Variants in CFAP99 observed in about 807,000 individuals in gnomAD.
CFAP99 encodes the protein cilia and flagella associated protein 99.
Under a neutral mutation model 82.7 loss-of-function variants are expected in CFAP99, and 84 were observed. That is an observed-to-expected ratio of 1.02 (90% CI 0.85 to 1.22). The LOEUF (loss-of-function observed/expected upper bound fraction) is 1.22, where lower values mean the gene tolerates loss of function less well. CFAP99 is among the 50% of genes most tolerant of loss of function. The probability of loss-of-function intolerance (pLI) is 0.00; values close to 1 mark genes in which losing one functional copy is unlikely to be tolerated. For missense variants in CFAP99, 1,059 were observed against 983.5 expected (o/e 1.08, Z -1.03); for synonymous variants, 456 against 429.5 (o/e 1.06, Z -0.76).
chr4:2,458,220 G>A (rs1014371371), intron 11 of CFAP99, among the ~76,000 whole-genome samples: 9 of 152,088 alleles, frequency 5.9e-5, no homozygotes, highest in Admixed American at 2.0e-4. Context: ...GTATTTTTTG[G>A]TGCCCACTTT....
chr4:2,444,367 C>T (rs1734114911), intron 5 of CFAP99, among the ~76,000 whole-genome samples: 1 of 152,212 alleles, frequency 6.6e-6, no homozygotes. Flanking sequence ...TCTCCCCAAC[C>T]TGCCTCAAGT....
exon 9 of CFAP99, chr4:2,450,965 C>A: frequency 6.5e-7 from 1 of 1,535,994 alleles, no homozygotes; most frequent in Non-Finnish European, 8.7e-7. Flanking sequence ...GCAGCAGCTG[C>A]GGCTTCAGTT....
Position 2,462,459 on chromosome 4 carries a change from G to C in CFAP99, c.1678G>C (p.Ala560Pro). The C allele has an allele frequency of 1.4e-6, 2 of 1,463,482 alleles. No homozygotes were observed. The highest frequency in any genetic ancestry group is 1.8e-6 in the Non-Finnish European group (2 of 1,117,950). The allele number at this position is 1,463,482 out of a possible 1,614,324, so 90.7% of individuals were successfully genotyped here. ...GCCCGCCAGGTGGGAGGAAAAGAAGGCCCTTGCGGCGGCCCCGGCGGCGCC... is the reference window on the plus strand; with the variant it reads ...GCCCGCCAGGTGGGAGGAAAAGAAGCCCCTTGCGGCGGCCCCGGCGGCGCC... The change falls in exon 15 of 15, where the codon GCC (alanine) becomes CCC (proline). Residue 560 changes from alanine to proline, a missense_variant. Physicochemically the swap from Ala to Pro is conservative, Grantham distance 27. Transcript: ENST00000635017. This position sits in a 1 kb window ranked among gnomAD's most constrained non-coding sequence, Gnocchi z 4.1.
chr4:2,438,169 G>C lies in CFAP99; in HGVS notation c.351+5G>C, dbSNP rs1027429492. ...CCCGTGGATAAGATGTGCAAGGTGA[G>C]CCACCCCTACCTGCCCACCAGGCCA... On this transcript the variant is annotated splice_donor_5th_base_variant and intron_variant, in intron 4 of 14. Transcript: ENST00000635017. The C allele has an allele frequency of 3.3e-6, 5 of 1,525,926 alleles. No individual in the cohort carries two copies. The African/African-American group carries it at 6.9e-5, about 21-fold the overall frequency. The allele number at this position is 1,525,926 out of a possible 1,614,324, so 94.5% of individuals were successfully genotyped here.
chr4:2,449,844 G>T (rs1578478265), intron 7 of CFAP99, 90 bp from the exon 8 acceptor site: 13 of 1,528,524 alleles, frequency 8.5e-6, no homozygotes, highest in Middle Eastern at 1.7e-4. Flanking sequence ...GAGGCAAGAG[G>T]GGGAGGCTGG....
chr4:2,419,932 A>G (rs553701302), intron 1 of CFAP99, among the ~76,000 whole-genome samples: 64 of 151,940 alleles, frequency 4.2e-4, no homozygotes, highest in African/African-American at 1.5e-3. Context: ...TTTTCACCCA[A>G]CCACTCCTCT....
In CFAP99 at chr4:2,462,562, T is replaced by C; in HGVS notation, c.1781T>C (p.Leu594Ser). ...GCCGAGCGCAGCAGGCAGGCGGCCT[T>C]GCTGCACGTGTCGGCGCCGCGGACC... is the stretch of plus-strand genomic sequence containing the variant. Residue 594 changes from leucine (L) to serine (S), a missense_variant, in exon 15 of 15, where the codon TTG becomes TCG. Physicochemically the swap from Leu to Ser is moderately radical, Grantham distance 145 (BLOSUM62 -2). Coordinates refer to ENST00000635017, the Ensembl canonical transcript of CFAP99. This position sits in a 1 kb window ranked among gnomAD's most constrained non-coding sequence, Gnocchi z 4.1. 3 of 1,452,478 alleles carry C rather than the reference T, an allele frequency of 2.1e-6. No homozygotes were observed. The highest frequency in any genetic ancestry group is 2.7e-6 in the Non-Finnish European group (3 of 1,107,818). 90.0% of individuals were successfully genotyped at this position (1,452,478 alleles called of 1,614,324 possible).
chr4:2,462,745 C>G lies in CFAP99; in HGVS notation c.1964C>G (p.Ala655Gly), dbSNP rs1734656739. The G allele has an allele frequency of 4.8e-6, 6 of 1,242,260 alleles. No individual in the cohort carries two copies. The highest frequency in any genetic ancestry group is 5.1e-6 in the Non-Finnish European group (5 of 989,672). 77.0% of individuals were successfully genotyped at this position (1,242,260 alleles called of 1,614,324 possible). A position where few individuals can be genotyped will look rare whatever the true frequency, so the allele number is the denominator to read the frequency against. The change falls in exon 15 of 15, where the codon GCA becomes GGA. Residue 655 changes from alanine to glycine, a missense_variant. Transcript: ENST00000635017. This position sits in a 1 kb window ranked among gnomAD's most constrained non-coding sequence, Gnocchi z 4.1. ...GTCCGGTCCGCGGCCGGGAGATACG[C>G]AGCGGCGGGCGCGGGAGGCGGTGGG... is the stretch of plus-strand genomic sequence containing the variant.
At chr4:2,447,669 AC>A (rs1734198089) in intron 6 of CFAP99, among the ~76,000 whole-genome samples, 1 of 144,804 alleles carries the variant, frequency 6.9e-6, no homozygotes, top group African/African-American at 2.6e-5. Flanking sequence ...GGATGGATGG[AC>A]GGATTGGATG....
At chr4:2,420,854 A>T (rs910062696) in intron 1 of CFAP99, among the ~76,000 whole-genome samples, 5 of 152,162 alleles carry the variant, frequency 3.3e-5, no homozygotes, top group African/African-American at 1.2e-4. Context: ...CGGCCCAGGA[A>T]CCAGCTGCAA....
At chr4:2,437,928 C>T in intron 3 of CFAP99, 142 bp from the exon 4 acceptor site, 1 of 575,444 alleles carries the variant, frequency 1.7e-6, no homozygotes, top group Non-Finnish European at 3.1e-6. Context: ...GTTCGCTTAT[C>T]ATTTTCAGGT....
intron 2 of CFAP99, 100 bp downstream of exon 2, chr4:2,426,686 C>T (rs1318205477): frequency 2.6e-6 from 2 of 767,708 alleles, no homozygotes; most frequent in Admixed American, 4.1e-5. Flanking sequence ...GACTGCCTTC[C>T]TTCCACATGG....
At position 2,446,285 on chromosome 4, in the gene CFAP99, CCTGCCTATTGT is replaced by C. The variant is rs138875834; in HGVS notation, c.642+987_642+997del. ...TTAGAGTTGTTTAGTAATTTGTGGG[CCTGCCTATTGT>C]CTGCCTATTCCAGCAGACATCATCC... On this transcript the variant is annotated intron_variant, in intron 6 of 14. Transcript: ENST00000635017. This position sits in a 1 kb window ranked among gnomAD's most constrained non-coding sequence, Gnocchi z 5.0. 2.8e-3 allele frequency among the ~76,000 whole-genome samples: 423 copies of C among 152,296 alleles called. No homozygotes were observed. Among genetic ancestry groups the C allele is most frequent in the African/African-American group, 9.6e-3 (398 of 41,550 alleles).
In CFAP99 at chr4:2,450,077, C is replaced by T. The variant is rs188858807; in HGVS notation, c.795+72C>T. The T allele has an allele frequency of 4.2e-4, 599 of 1,438,008 alleles. 2 individuals carry two copies. Among genetic ancestry groups the T allele is most frequent in the Non-Finnish European group, 5.2e-4 (548 of 1,057,518 alleles). 89.1% of individuals were successfully genotyped at this position (1,438,008 alleles called of 1,614,324 possible). A position where few individuals can be genotyped will look rare whatever the true frequency, so the allele number is the denominator to read the frequency against. On this transcript the variant is annotated intron_variant, in intron 8 of 14. Transcript: ENST00000635017. ...CAAGCCATCAGAAAGTTCCTCCCAACGCCATCGCAGTGACCACTTATGTAG... is the reference window on the plus strand; with the variant it reads ...CAAGCCATCAGAAAGTTCCTCCCAATGCCATCGCAGTGACCACTTATGTAG...
intron 13 of CFAP99, among the ~76,000 whole-genome samples, chr4:2,459,670 G>A (rs891529073): frequency 2.0e-5 from 3 of 152,226 alleles, no homozygotes; most frequent in Non-Finnish European, 4.4e-5. Flanking sequence ...GGCATGATGA[G>A]GGGCCAGGCC....
chr4:2,436,930 G>C, exon 3 of CFAP99: 1 of 1,536,078 alleles, frequency 6.5e-7, no homozygotes, highest in Non-Finnish European at 8.7e-7. Flanking sequence ...GGTGCCTCGA[G>C]TACCGGAAGC....
chr4:2,461,787 G>A (rs28589412), intron 14 of CFAP99, among the ~76,000 whole-genome samples: 272 of 152,236 alleles, frequency 1.8e-3, no homozygotes, highest in African/African-American at 6.3e-3. Context: ...GCCAAAGCCA[G>A]CAGGGAACAA....
exon 6 of CFAP99, chr4:2,445,207 A>C (rs1476939965): frequency 1.4e-5 from 21 of 1,462,192 alleles, no homozygotes; most frequent in Non-Finnish European, 9.0e-7. Context: ...TTTAAAGACC[A>C]AGGCCAAGGT....
chr4:2,459,920 T>C (rs1371550064), intron 13 of CFAP99, 117 bp from the exon 14 acceptor site: 6 of 868,804 alleles, frequency 6.9e-6, no homozygotes, highest in South Asian at 1.5e-5. Context: ...ATAAGCAGTG[T>C]TGAAGCAGAG....
Sources: gnomAD v4.1 joint callset for allele counts (sites outside exome capture counted in the v4.1 genomes callset) on GRCh38, gnomAD v4.1.1 for gene constraint, Gnocchi (gnomAD v3.1) non-coding constraint, MANE v1.5 for transcripts, NCBI Gene and HGNC (gene_info 2026-07-23, HGNC 2026-07-21) for gene names.